The following MARK4 variants were observed in gnomAD, a reference collection of about 807,000 sequenced individuals.
MARK4 encodes microtubule affinity regulating kinase 4.
In MARK4, 19 loss-of-function variants were observed where a neutral mutation model predicts 81.5. The observed-to-expected ratio is 0.23, with a 90% CI of 0.16 to 0.34. The LOEUF (loss-of-function observed/expected upper bound fraction) is 0.34, where lower values mean the gene tolerates loss of function less well. Among genes scored for constraint, MARK4 ranks in the 10% least tolerant of loss-of-function variants. The pLI, the probability that MARK4 is intolerant of heterozygous loss-of-function variation, is 1.00. For missense variants in MARK4, 772 were observed against 1,058.8 expected, an observed-to-expected ratio of 0.73 and a Z score of 3.76; for synonymous variants, 436 against 439.0, an observed-to-expected ratio of 0.99 and a Z score of 0.08.
At chr19:45,294,492 G>A in intron 14 of MARK4, 40 bp downstream of exon 14, 1 of 1,564,184 alleles carries the variant, frequency 6.4e-7, no homozygotes, top group South Asian at 1.1e-5. Context: ...GTGGGAAGTA[G>A]GGGGTAGGTG....
rs2036961157 is a variant in MARK4 at position 45,263,268 on chromosome 19, C to G, written c.307-51C>G. 4 of 1,614,048 alleles carry G rather than the reference C, an allele frequency of 2.5e-6. No homozygotes were observed. The South Asian group carries it at 4.4e-5, about 18-fold the overall frequency. ...GGGGCCCGGCTGGGGAAAGGATCCCCCAAGCCACCCACCCTCACTCTCCTC... is the reference window on the plus strand; with the variant it reads ...GGGGCCCGGCTGGGGAAAGGATCCCGCAAGCCACCCACCCTCACTCTCCTC... On this transcript the variant is annotated intron_variant, in intron 3 of 16. Coordinates refer to ENST00000262891, the MANE Select transcript of MARK4 (RefSeq NM_001199867.2).
chr19:45,280,368 T>A lies in MARK4; in HGVS notation c.1007-6T>A, dbSNP rs763238690. The A allele has an allele frequency of 3.7e-6, 6 of 1,611,112 alleles. No individual in the cohort carries two copies. Among genetic ancestry groups the A allele is most frequent in the African/African-American group, 1.3e-5 (1 of 74,894 alleles). On this transcript the variant is annotated splice_polypyrimidine_tract_variant and splice_region_variant and intron_variant, in intron 10 of 16. Coordinates refer to ENST00000262891, the MANE Select transcript of MARK4 (RefSeq NM_001199867.2). Reference sequence around the variant, plus strand: ...TCTGAAACTTCTCTCCATCCCCCCCTCCCAGAGGTGATGGTGGGTATGGGC... The same window carrying A: ...TCTGAAACTTCTCTCCATCCCCCCCACCCAGAGGTGATGGTGGGTATGGGC...
intron 8 of MARK4, among the ~76,000 whole-genome samples, chr19:45,276,498 T>C (rs1970599207): frequency 1.3e-5 from 2 of 152,072 alleles, no homozygotes; most frequent in Admixed American, 1.3e-4. Context: ...ACAGCAGGCA[T>C]GGCTGGGGGA....
intron 9 of MARK4, among the ~76,000 whole-genome samples, 164 bp from the exon 10 acceptor site, chr19:45,278,352 C>T (rs1027546624): frequency 3.3e-5 from 5 of 151,982 alleles, no homozygotes; most frequent in African/African-American, 9.7e-5. Context: ...CAGGAGGCTC[C>T]GGCAGGGGAC....
At chr19:45,256,758 G>A (rs961298468) in intron 1 of MARK4, among the ~76,000 whole-genome samples, 1 of 152,270 alleles carries the variant, frequency 6.6e-6, no homozygotes, top group African/African-American at 2.4e-5. Flanking sequence ...TTGCCTTATT[G>A]AGCTTCACAG....
intron 13 of MARK4, among the ~76,000 whole-genome samples, chr19:45,289,447 G>A (rs344811): frequency 0.23 from 33,900 of 145,658 alleles, 4,292 homozygotes; most frequent in Non-Finnish European, 0.3. Context: ...AATACTTATA[G>A]TTATCCTTTA....
chr19:45,295,320 C>T (rs181180651), intron 14 of MARK4, among the ~76,000 whole-genome samples: 54 of 152,108 alleles, frequency 3.6e-4, no homozygotes, highest in Admixed American at 1.2e-3. Flanking sequence ...GATCACGCCA[C>T]TGCACTCCAG....
Position 45,287,577 on chromosome 19 carries a change from GC to G in MARK4, c.1413del (p.Ser472ProfsTer34). ...CCGCGGGGAGTGGGAGTCGAGGGCT[GC>G]CCCCCTCCAGCCCCATGGTCAGCAG... Reference protein sequence around the residue: ...STAGSGSRGLPPSSPMVSSAH... With the variant: ...STAGSGSRGLXPSSPMVSSAH... On this transcript the variant is annotated frameshift_variant, in exon 13 of 17. Coordinates refer to ENST00000262891, the MANE Select transcript of MARK4 (RefSeq NM_001199867.2). LOFTEE classifies it high-confidence loss of function. 2 of 1,595,678 alleles carry G rather than the reference GC, an allele frequency of 1.3e-6. No homozygotes were observed. Among genetic ancestry groups the G allele is most frequent in the Middle Eastern group, 1.7e-4 (1 of 5,996 alleles).
Position 45,302,411 on chromosome 19 carries a change from C to T in MARK4, c.1960C>T (p.Arg654Trp), listed in dbSNP as rs762012816. The T allele has an allele frequency of 1.2e-6, 2 of 1,614,136 alleles. No individual in the cohort carries two copies. The highest frequency in any genetic ancestry group is 1.1e-5 in the South Asian group (1 of 91,088). Residue 654 changes from arginine to tryptophan, a missense_variant, in exon 17 of 17, where the codon CGG (arginine) becomes TGG (tryptophan). Arg to Trp is a moderately radical substitution (Grantham distance 101). Coordinates refer to ENST00000262891, the MANE Select transcript of MARK4 (RefSeq NM_001199867.2). This position sits in a 1 kb window ranked among gnomAD's most constrained non-coding sequence, Gnocchi z 4.9. ...LPWDQTETAP[R>W]LLRFPWSVKL... The stretch of plus-strand genomic sequence containing the variant: ...TTGGGATCAAACGGAAACCGCCCCC[C>T]GGCTGCTCCGATTCCCCTGGAGTGT...
Position 45,271,833 on chromosome 19 carries a change from G to C in MARK4, c.786+125G>C, listed in dbSNP as rs1410368621. ...GGCCTGAGTTCTCATGGGAAGATGG[G>C]GGATGGGCAGGATTCAAGTCCCCTC... On this transcript the variant is annotated intron_variant, in intron 8 of 16. Coordinates refer to ENST00000262891, the MANE Select transcript of MARK4 (RefSeq NM_001199867.2). This position sits in a 1 kb window ranked among gnomAD's most constrained non-coding sequence, Gnocchi z 4.1. 3 of 913,470 alleles carry C rather than the reference G, an allele frequency of 3.3e-6. No homozygotes were observed. Among genetic ancestry groups the C allele is most frequent in the Non-Finnish European group, 5.0e-6 (3 of 599,704 alleles). The allele number at this position is 913,470 out of a possible 1,614,324, so 56.6% of individuals were successfully genotyped here.
intron 1 of MARK4, among the ~76,000 whole-genome samples, chr19:45,254,385 A>G (rs1970281654): frequency 6.6e-6 from 1 of 152,066 alleles, no homozygotes; most frequent in Non-Finnish European, 1.5e-5. Context: ...GCCACCTGAC[A>G]GGGCTTCTTC....
In MARK4 at chr19:45,277,936, G is replaced by A. The variant is rs1231877137; in HGVS notation, c.800G>A (p.Arg267Gln). 5.0e-6 allele frequency: 8 copies of A among 1,613,150 alleles called. No homozygotes were observed. Among genetic ancestry groups the A allele is most frequent in the South Asian group, 3.3e-5 (3 of 91,024 alleles). Reference sequence around the variant, plus strand: ...CCATCCCTGCAGGAGCTGCGGGAGCGAGTACTCAGAGGGAAGTACCGGGTC... The same window carrying A: ...CCATCCCTGCAGGAGCTGCGGGAGCAAGTACTCAGAGGGAAGTACCGGGTC... ...DGHNLKELRERVLRGKYRVPF... is the reference protein window; with the variant it reads ...DGHNLKELREQVLRGKYRVPF... The change falls in exon 9 of 17, where the codon CGA becomes CAA. Residue 267 changes from arginine (R) to glutamine (Q), a missense_variant. By Grantham distance (43) the Arg-to-Gln change is conservative (BLOSUM62 1). Transcript: ENST00000262891.
chr19:45,265,254 G>A (rs189469332), intron 6 of MARK4, among the ~76,000 whole-genome samples: 19 of 152,126 alleles, frequency 1.2e-4, no homozygotes, highest in South Asian at 1.0e-3. Flanking sequence ...TGAGTGTGCC[G>A]GAGTGTGATT....
chr19:45,286,329 C>G (rs769387344), intron 12 of MARK4, among the ~76,000 whole-genome samples: 2 of 151,162 alleles, frequency 1.3e-5, no homozygotes, highest in African/African-American at 4.8e-5. Context: ...GCTGGGATTA[C>G]AGGCGTGAGC....
In MARK4 at chr19:45,277,825, G is replaced by T. The variant is rs1289960012; in HGVS notation, c.787-98G>T. On this transcript the variant is annotated intron_variant, in intron 8 of 16. Transcript: ENST00000262891. ...TATCAAAGGGGTTGGGACAAAGGTT[G>T]TGTGTGTGTGTGTGTGTGTGTGTGT... 48 of 21,276 alleles carry T rather than the reference G, an allele frequency of 2.3e-3. No homozygotes were observed. In the East Asian group the frequency reaches 0.15, roughly 65 times the overall value. The allele number at this position is 21,276 out of a possible 1,614,324, so 1.3% of individuals were successfully genotyped here.
At chr19:45,261,087 C>A (rs373889715) in intron 2 of MARK4, among the ~76,000 whole-genome samples, 1 of 152,116 alleles carries the variant, frequency 6.6e-6, no homozygotes. Context: ...CCTGCCCTCA[C>A]GCTGTCTACA....
chr19:45,273,336 G>A (rs1206821081), intron 8 of MARK4, among the ~76,000 whole-genome samples: 1 of 152,144 alleles, frequency 6.6e-6, no homozygotes, highest in African/African-American at 2.4e-5. Flanking sequence ...ACAGTTAGTT[G>A]CAGACGCTGT....
chr19:45,281,363 C>CTTTCTTT (rs1970671708), intron 12 of MARK4, among the ~76,000 whole-genome samples: 1 of 86,156 alleles, frequency 1.2e-5, no homozygotes, highest in African/African-American at 5.8e-5. Flanking sequence ...CTTTTCTTTT[C>CTTTCTTT]TTTCTTTTTT....
At chr19:45,258,494 G>A (rs1970338181) in intron 1 of MARK4, among the ~76,000 whole-genome samples, 1 of 152,046 alleles carries the variant, frequency 6.6e-6, no homozygotes, top group Admixed American at 6.6e-5. Flanking sequence ...TGAGTCAGGG[G>A]TTTGAGACCA....
Sources: gnomAD v4.1 joint callset for allele counts (sites outside exome capture counted in the v4.1 genomes callset) on GRCh38, gnomAD v4.1.1 for gene constraint, Gnocchi (gnomAD v3.1) non-coding constraint, MANE v1.5 for transcripts, NCBI Gene and HGNC (gene_info 2026-07-23, HGNC 2026-07-21) for gene names.